KCNQ1OT1: variants seen among roughly 807,000 people sequenced by gnomAD.
The protein encoded by KCNQ1OT1 is KCNQ1 opposite strand/antisense transcript 1.
At position 2,662,137 on chromosome 11, in the gene KCNQ1OT1, G is replaced by A; in HGVS notation, n.37858C>T. ...GCTGGAGGGGACTGGAGCTCAAGGAGTCAGACTTGGTGCTGGGGAAGCCTT... is the reference window on the plus strand; with the variant it reads ...GCTGGAGGGGACTGGAGCTCAAGGAATCAGACTTGGTGCTGGGGAAGCCTT... On this transcript the variant is annotated non_coding_transcript_exon_variant, in exon 1 of 1. Transcript: ENST00000597346. 3 of 1,610,532 alleles carry A rather than the reference G, an allele frequency of 1.9e-6. No homozygotes were observed. The South Asian group carries it at 3.3e-5, about 18-fold the overall frequency.
rs145762501 is a variant in KCNQ1OT1, at chr11:2,699,669, G to C, written n.326C>G. The C allele has an allele frequency of 1.3e-3, 357 of 273,466 alleles. 2 individuals are homozygous for C. The highest frequency in any genetic ancestry group is 1.3e-3 in the African/African-American group (26 of 19,412). 16.9% of individuals were successfully genotyped at this position (273,466 alleles called of 1,614,324 possible). A position where few individuals can be genotyped will look rare whatever the true frequency, so the allele number is the denominator to read the frequency against. ...AACCGCGCCGAAGAACCCCCGGGGAGAACCGCGCCGAAAAGCCCCGGGTGC... is the reference window on the plus strand; with the variant it reads ...AACCGCGCCGAAGAACCCCCGGGGACAACCGCGCCGAAAAGCCCCGGGTGC... On this transcript the variant is annotated non_coding_transcript_exon_variant, in exon 1 of 1. Transcript: ENST00000597346.
chr11:2,692,488 G>A, exon 1 of KCNQ1OT1: 1 of 398,724 alleles, frequency 2.5e-6, no homozygotes, highest in African/African-American at 2.1e-5. Flanking sequence ...TAGTTCAGAT[G>A]CTTGGCTTCT....
At position 2,664,325 on chromosome 11, in the gene KCNQ1OT1, G is replaced by A. The variant is rs929255493; in HGVS notation, n.35670C>T. Reference sequence around the variant, plus strand: ...GTGTTCTGGTCAGGGAAGACTCAGGGCTGAGGCTTCAGGGGAGCTGGGTTC... The same window carrying A: ...GTGTTCTGGTCAGGGAAGACTCAGGACTGAGGCTTCAGGGGAGCTGGGTTC... On this transcript the variant is annotated non_coding_transcript_exon_variant, in exon 1 of 1. Coordinates refer to ENST00000597346, the Ensembl canonical transcript of KCNQ1OT1. This position sits in a 1 kb window ranked among gnomAD's most constrained non-coding sequence, Gnocchi z 5.1. 3 of 398,804 alleles carry A rather than the reference G, an allele frequency of 7.5e-6. No individual in the cohort carries two copies. The highest frequency in any genetic ancestry group is 4.1e-5 in the African/African-American group (2 of 48,638). The allele number at this position is 398,804 out of a possible 1,614,324, so 24.7% of individuals were successfully genotyped here. A position where few individuals can be genotyped will look rare whatever the true frequency, so the allele number is the denominator to read the frequency against.
exon 1 of KCNQ1OT1, chr11:2,618,925 T>C (rs933565231): frequency 2.0e-5 from 8 of 398,244 alleles, no homozygotes; most frequent in Non-Finnish European, 3.1e-5. Context: ...CTAAGCAATT[T>C]TTTTGATGCT....
chr11:2,655,974 G>C, exon 1 of KCNQ1OT1: 3 of 398,690 alleles, frequency 7.5e-6, no homozygotes, highest in Non-Finnish European at 1.3e-5. Flanking sequence ...CCCACTCTGG[G>C]CAGCCAACTG....
rs1850290439 is a variant in KCNQ1OT1, at chr11:2,676,157, T to C, written n.23838A>G. On this transcript the variant is annotated non_coding_transcript_exon_variant, in exon 1 of 1. Coordinates refer to ENST00000597346, the Ensembl canonical transcript of KCNQ1OT1. This position sits in a 1 kb window ranked among gnomAD's most constrained non-coding sequence, Gnocchi z 4.2. Reference sequence around the variant, plus strand: ...AATGGTAGCATACTGTATGTATTTTTCTACACTTTGCCTTTGACTTCTTCC... The same window carrying C: ...AATGGTAGCATACTGTATGTATTTTCCTACACTTTGCCTTTGACTTCTTCC... 1 of 398,576 alleles carries C rather than the reference T, an allele frequency of 2.5e-6. No homozygotes were observed. The highest frequency in any genetic ancestry group is 2.1e-5 in the African/African-American group (1 of 48,660). The allele number at this position is 398,576 out of a possible 1,614,324, so 24.7% of individuals were successfully genotyped here.
exon 1 of KCNQ1OT1, chr11:2,619,249 G>C: frequency 2.5e-6 from 1 of 398,516 alleles, no homozygotes; most frequent in Non-Finnish European, 4.4e-6. Context: ...TCCTTGCCTT[G>C]TACTGGTTCA....
chr11:2,635,145 G>C (rs1242272400), exon 1 of KCNQ1OT1: 1 of 152,168 alleles, frequency 6.6e-6, no homozygotes, highest in Admixed American at 6.5e-5. Flanking sequence ...TATTCACTCT[G>C]ACGGTAGTTT....
chr11:2,680,046 A>G (rs1295768272), exon 1 of KCNQ1OT1: 2 of 396,178 alleles, frequency 5.0e-6, no homozygotes, highest in East Asian at 3.6e-5. Flanking sequence ...GACATCTGCC[A>G]CCATGACTGG....
exon 1 of KCNQ1OT1, chr11:2,643,896 T>G (rs1849620482): frequency 2.5e-6 from 1 of 398,462 alleles, no homozygotes. Context: ...TTTTTGGTTT[T>G]GTTTTTTCTT....
At chr11:2,643,665 G>T (rs771801911) in exon 1 of KCNQ1OT1, 3 of 398,366 alleles carry the variant, frequency 7.5e-6, no homozygotes, top group Non-Finnish European at 1.3e-5. Context: ...TTGTTGATAT[G>T]TGAGGGCTTA....
Position 2,673,788 on chromosome 11 carries a change from A to G in KCNQ1OT1, n.26207T>C, listed in dbSNP as rs1424785414. On this transcript the variant is annotated non_coding_transcript_exon_variant, in exon 1 of 1. Coordinates refer to ENST00000597346, the Ensembl canonical transcript of KCNQ1OT1. The surrounding 1 kb of genome is among the most constrained non-coding windows in gnomAD (Gnocchi z 4.5). ...CTGGTATGTTGGGAAGCTCTGGTGCAAAGGGCAGTGATGGCCCTTCAATCC... is the reference window on the plus strand; with the variant it reads ...CTGGTATGTTGGGAAGCTCTGGTGCGAAGGGCAGTGATGGCCCTTCAATCC... 1.3e-5 allele frequency: 5 copies of G among 398,602 alleles called. No homozygotes were observed. The highest frequency in any genetic ancestry group is 2.2e-5 in the Non-Finnish European group (5 of 226,146). The allele number at this position is 398,602 out of a possible 1,614,324, so 24.7% of individuals were successfully genotyped here.
At chr11:2,675,187 T>A (rs1197573468) in exon 1 of KCNQ1OT1, 5 of 398,498 alleles carry the variant, frequency 1.3e-5, no homozygotes, top group Non-Finnish European at 2.2e-5. Context: ...TTAGGGCCCC[T>A]CTAGGTCAAT....
In KCNQ1OT1 at chr11:2,651,112, T is replaced by A; in HGVS notation, n.48883A>T. ...TGATTTCCACTCTTGCTTCCTGTAC[T>A]CCATTCTTCACATAACAGCTCAAGG... On this transcript the variant is annotated non_coding_transcript_exon_variant, in exon 1 of 1. Transcript: ENST00000597346. The surrounding 1 kb of genome is among the most constrained non-coding windows in gnomAD (Gnocchi z 6.1). The A allele has an allele frequency of 2.5e-6, 1 of 398,694 alleles. No individual in the cohort carries two copies. The highest frequency in any genetic ancestry group is 2.1e-5 in the African/African-American group (1 of 48,760). 24.7% of individuals were successfully genotyped at this position (398,694 alleles called of 1,614,324 possible).
chr11:2,644,003 A>G (rs911632802), exon 1 of KCNQ1OT1: 2 of 398,020 alleles, frequency 5.0e-6, no homozygotes, highest in African/African-American at 2.1e-5. Context: ...AGTGTCTACA[A>G]CCTCTTTTAT....
In KCNQ1OT1 at chr11:2,664,071, T is replaced by C. The variant is rs191690292; in HGVS notation, n.35924A>G. The C allele has an allele frequency of 1.8e-5, 7 of 398,760 alleles. No individual in the cohort carries two copies. The highest frequency in any genetic ancestry group is 8.8e-5 in the Admixed American group (2 of 22,738). 24.7% of individuals were successfully genotyped at this position (398,760 alleles called of 1,614,324 possible). On this transcript the variant is annotated non_coding_transcript_exon_variant, in exon 1 of 1. Coordinates refer to ENST00000597346, the Ensembl canonical transcript of KCNQ1OT1. This position sits in a 1 kb window ranked among gnomAD's most constrained non-coding sequence, Gnocchi z 5.1. ...CACTCCCATGGCCTCCAGTGATAAG[T>C]GGGCCCAGGCAGGTCAGAGACTCCA... is the stretch of plus-strand genomic sequence containing the variant.
Position 2,626,466 on chromosome 11 carries a change from A to T in KCNQ1OT1, n.73529T>A, listed in dbSNP as rs980144562. On this transcript the variant is annotated non_coding_transcript_exon_variant, in exon 1 of 1. Transcript: ENST00000597346. This position sits in a 1 kb window ranked among gnomAD's most constrained non-coding sequence, Gnocchi z 4.0. ...ATTTTTGGGCTCTCTATTCAATTCCATTGGTCTCTACATCTTTATGTCAAT... is the reference window on the plus strand; with the variant it reads ...ATTTTTGGGCTCTCTATTCAATTCCTTTGGTCTCTACATCTTTATGTCAAT... 3 of 398,492 alleles carry T rather than the reference A, an allele frequency of 7.5e-6. No individual in the cohort carries two copies. The highest frequency in any genetic ancestry group is 2.1e-5 in the African/African-American group (1 of 48,620). The allele number at this position is 398,492 out of a possible 1,614,324, so 24.7% of individuals were successfully genotyped here.
exon 1 of KCNQ1OT1, chr11:2,632,497 T>C: frequency 2.5e-6 from 1 of 398,440 alleles, no homozygotes; most frequent in Non-Finnish European, 4.4e-6. Context: ...TTGTGGGTTT[T>C]TCTTCTAGGA....
At chr11:2,641,773 C>A (rs1044175940) in exon 1 of KCNQ1OT1, 4 of 398,278 alleles carry the variant, frequency 1.0e-5, no homozygotes, top group African/African-American at 2.1e-5. Flanking sequence ...TAGTTTCATG[C>A]CTCATGTTTA....
Sources: allele counts gnomAD v4.1 joint callset, GRCh38; gene constraint gnomAD v4.1.1; non-coding constraint Gnocchi (gnomAD v3.1); transcripts MANE v1.5; gene names NCBI Gene and HGNC (gene_info 2026-07-23, HGNC 2026-07-21).